Variants in KALRN observed in about 807,000 individuals in gnomAD.
KALRN encodes the protein kalirin RhoGEF kinase.
In KALRN, 70 loss-of-function variants were observed where a neutral mutation model predicts 353.7. The ratio of observed to expected loss-of-function variants is 0.20; its 90% confidence interval spans 0.16 to 0.24. The LOEUF (loss-of-function observed/expected upper bound fraction) is 0.24, where lower values mean the gene tolerates loss of function less well. Among genes scored for constraint, KALRN ranks in the 10% least tolerant of loss-of-function variants. The pLI, the probability that KALRN is intolerant of heterozygous loss-of-function variation, is 1.00. For synonymous variants in KALRN, 1,391 were observed against 1,434.8 expected (o/e 0.97, Z 0.69); for missense variants, 2,791 against 3,756.7 (o/e 0.74, Z 6.72).
At chr3:124,484,933 G>C (rs574195416) in intron 28 of KALRN, among the ~76,000 whole-genome samples, 2 of 151,876 alleles carry the variant, frequency 1.3e-5, no homozygotes, top group African/African-American at 4.8e-5. Context: ...GCGAAACCCC[G>C]TCTCTACAAA....
intron 34 of KALRN, chr3:124,584,811 G>C (rs1212296111): frequency 6.3e-7 from 1 of 1,599,452 alleles, no homozygotes; most frequent in East Asian, 2.3e-5. Flanking sequence ...GCGCTGGGGC[G>C]GCGGGGCAAC....
chr3:124,298,987 A>G (rs1286541916), intron 6 of KALRN, 74 bp downstream of exon 6: 3 of 1,581,744 alleles, frequency 1.9e-6, no homozygotes, highest in Non-Finnish European at 2.6e-6. Context: ...AGGGACAGAA[A>G]CAGACTTTCC....
intron 37 of KALRN, among the ~76,000 whole-genome samples, chr3:124,643,698 C>T (rs1423366501): frequency 6.6e-6 from 1 of 152,068 alleles, no homozygotes; most frequent in Non-Finnish European, 1.5e-5. Flanking sequence ...CTTTGTTGCC[C>T]AGACTGGCGT....
intron 33 of KALRN, among the ~76,000 whole-genome samples, chr3:124,542,000 T>A (rs967440299): frequency 1.3e-5 from 2 of 152,154 alleles, no homozygotes; most frequent in Non-Finnish European, 2.9e-5. Flanking sequence ...AGCCCAGATC[T>A]TCTTAGGGTA....
chr3:124,263,112 T>C (rs1389221055), intron 3 of KALRN, among the ~76,000 whole-genome samples: 3 of 152,248 alleles, frequency 2.0e-5, no homozygotes, highest in East Asian at 1.9e-4. Flanking sequence ...TCAGGAGTTA[T>C]AGTCAAAGTT....
At chr3:124,673,521 G>T (rs1256220221) in intron 48 of KALRN, among the ~76,000 whole-genome samples, 8 of 150,568 alleles carry the variant, frequency 5.3e-5, no homozygotes, top group Admixed American at 6.6e-5. Context: ...TATACATATA[G>T]AATATATATG....
At chr3:124,560,195 G>C (rs529374663) in intron 33 of KALRN, among the ~76,000 whole-genome samples, 139 of 152,370 alleles carry the variant, frequency 9.1e-4, no homozygotes, top group African/African-American at 3.0e-3. Flanking sequence ...TTTGCAACTA[G>C]AGCTTCAGGC....
intron 1 of KALRN, among the ~76,000 whole-genome samples, chr3:124,066,013 C>T (rs373823025): frequency 5.3e-5 from 8 of 152,246 alleles, no homozygotes; most frequent in Admixed American, 1.3e-4. Context: ...CTGGGCTTGA[C>T]GGGGATCCAG....
intron 13 of KALRN, among the ~76,000 whole-genome samples, chr3:124,400,005 G>A (rs2150111009): frequency 6.6e-6 from 1 of 152,252 alleles, no homozygotes; most frequent in South Asian, 2.1e-4. Context: ...AGGGGGAAAA[G>A]CCAACTTTCC....
chr3:124,724,245 G>A lies in KALRN; in HGVS notation c.*4775G>A, dbSNP rs2063392571. 1.3e-5 allele frequency: 2 copies of A among 152,056 alleles called. No individual in the cohort carries two copies. The highest frequency in any genetic ancestry group is 6.5e-5 in the Admixed American group (1 of 15,270). 9.4% of individuals were successfully genotyped at this position (152,056 alleles called of 1,614,324 possible). The stretch of plus-strand genomic sequence containing the variant: ...TTTGTCCCATGCATTTAATACAGGA[G>A]GAAATTATTTTGTACGTAAGAGGTC... On this transcript the variant is annotated 3_prime_UTR_variant, in exon 60 of 60. Coordinates refer to ENST00000682506, the MANE Select transcript of KALRN (RefSeq NM_001388419.1).
intron 57 of KALRN, among the ~76,000 whole-genome samples, chr3:124,706,059 A>G (rs936037555): frequency 7.2e-5 from 11 of 152,172 alleles, no homozygotes; most frequent in Admixed American, 2.6e-4. Context: ...GACACACACC[A>G]TTATGCCCAG....
At chr3:124,580,612 C>T (rs913758317) in intron 34 of KALRN, among the ~76,000 whole-genome samples, 13 of 152,188 alleles carry the variant, frequency 8.5e-5, no homozygotes, top group Non-Finnish European at 1.6e-4. Flanking sequence ...AACCTGGTCA[C>T]ATATCTGATG....
At chr3:124,634,002 A>G in intron 36 of KALRN, 49 bp downstream of exon 36, 1 of 1,497,024 alleles carries the variant, frequency 6.7e-7, no homozygotes, top group Non-Finnish European at 9.3e-7. Context: ...GCCGTGCGTG[A>G]TTTTGTTTTT....
At chr3:124,637,337 G>A (rs772936000) in intron 37 of KALRN, 34 bp downstream of exon 37, 2 of 1,457,000 alleles carry the variant, frequency 1.4e-6, no homozygotes, top group Non-Finnish European at 1.9e-6. Flanking sequence ...TTCTGTGTGT[G>A]TCTCACCTTC....
chr3:124,672,990 T>C (rs1002472873), intron 48 of KALRN, among the ~76,000 whole-genome samples: 3 of 152,200 alleles, frequency 2.0e-5, no homozygotes, highest in African/African-American at 7.2e-5. Flanking sequence ...TGTATTAGAG[T>C]AACCACACTG....
chr3:124,408,174 A>C (rs911884375), intron 13 of KALRN, among the ~76,000 whole-genome samples: 4 of 101,480 alleles, frequency 3.9e-5, no homozygotes, highest in Non-Finnish European at 5.8e-5. Flanking sequence ...ACAAACACAA[A>C]ATTTCTTGGT....
intron 1 of KALRN, among the ~76,000 whole-genome samples, chr3:124,120,363 G>A (rs1049479478): frequency 6.6e-6 from 1 of 152,142 alleles, no homozygotes; most frequent in Admixed American, 6.5e-5. Context: ...TCCACAGGTG[G>A]TTTAGGTAAA....
chr3:124,424,103 C>T (rs915168852), intron 15 of KALRN, among the ~76,000 whole-genome samples: 4 of 152,098 alleles, frequency 2.6e-5, no homozygotes. Context: ...AAGAGGTCAG[C>T]AGACCATGGT....
At chr3:124,340,208 G>A (rs1002201668) in intron 9 of KALRN, among the ~76,000 whole-genome samples, 2 of 152,194 alleles carry the variant, frequency 1.3e-5, no homozygotes, top group African/African-American at 4.8e-5. Context: ...GAATGAATGA[G>A]CAATAAGGAT....
Sources: gnomAD v4.1 joint callset for allele counts (sites outside exome capture counted in the v4.1 genomes callset) on GRCh38, gnomAD v4.1.1 for gene constraint, MANE v1.5 for transcripts, NCBI Gene and HGNC (gene_info 2026-07-23, HGNC 2026-07-21) for gene names.